Variants in ASH1L observed in about 807,000 individuals in gnomAD.
The protein encoded by ASH1L is histone-lysine N-methyltransferase ASH1L.
Under a neutral mutation model 269.0 loss-of-function variants are expected in ASH1L, and 23 were observed. The observed-to-expected ratio is 0.09, with a 90% CI of 0.06 to 0.12. The LOEUF (loss-of-function observed/expected upper bound fraction) is 0.12. ASH1L is among the 10% of genes least tolerant of loss of function. The pLI, the probability that ASH1L is intolerant of heterozygous loss-of-function variation, is 1.00. For missense variants in ASH1L, 2,912 were observed against 3,567.8 expected (o/e 0.82, Z 4.68); for synonymous variants, 1,187 against 1,253.5 (o/e 0.95, Z 1.12).
chr1:155,482,175 G>A lies in ASH1L; in HGVS notation c.695C>T (p.Ser232Phe). The stretch of plus-strand genomic sequence containing the variant: ...TAACTTCTTCGGTTTTGTCTTGGAA[G>A]ACTTGGAAGGAGGACAGGTAGCAAT... ...QLIATCPPSK[S>F]SKTKPKKLGT... is the part of the protein sequence containing the mutation. The change falls in exon 3 of 28, where the codon TCT becomes TTT. Residue 232 changes from serine (S) to phenylalanine (F), a missense_variant. Coordinates refer to ENST00000392403, the MANE Select transcript of ASH1L (RefSeq NM_018489.3). The A allele has an allele frequency of 6.2e-7, 1 of 1,614,168 alleles. No homozygotes were observed. Among genetic ancestry groups the A allele is most frequent in the Non-Finnish European group, 8.5e-7 (1 of 1,180,008 alleles).
chr1:155,347,188 C>A (rs1653423223), intron 20 of ASH1L, among the ~76,000 whole-genome samples: 1 of 152,172 alleles, frequency 6.6e-6, no homozygotes, highest in Non-Finnish European at 1.5e-5. Flanking sequence ...CACTTGAGCT[C>A]AGGAGTTCAA....
At chr1:155,413,638 AAAG>A (rs1659979791) in intron 6 of ASH1L, among the ~76,000 whole-genome samples, 2 of 152,270 alleles carry the variant, frequency 1.3e-5, no homozygotes, top group South Asian at 2.1e-4. Context: ...AACAAAAAAC[AAAG>A]AAGGAGCATG....
chr1:155,402,572 C>G (rs962351027), intron 6 of ASH1L, among the ~76,000 whole-genome samples: 1 of 152,110 alleles, frequency 6.6e-6, no homozygotes, highest in Non-Finnish European at 1.5e-5. Context: ...TTTTTAAAGA[C>G]AGGGCCTTGT....
rs765786580 is a variant in ASH1L at position 155,481,890 on chromosome 1, G to A, written c.980C>T (p.Thr327Ile). The change falls in exon 3 of 28, where the codon ACT becomes ATT. Residue 327 changes from threonine (T) to isoleucine (I), a missense_variant. Around this residue, in one of 13 missense-constraint regions of ASH1L, gnomAD observed 277 missense variants for 367.7 expected, o/e 0.75. Transcript: ENST00000392403. ...GCTTAGCAGTCCTACTGTAGTGATA[G>A]TTCCTGGCTTTTTGCCTAAGTTTTT... ...INKNLGKKPG[T>I]ITTVGLLSKD... The A allele has an allele frequency of 6.2e-7, 1 of 1,614,064 alleles. No homozygotes were observed. Among genetic ancestry groups the A allele is most frequent in the Non-Finnish European group, 8.5e-7 (1 of 1,180,028 alleles).
At chr1:155,403,975 G>C (rs1444647765) in intron 6 of ASH1L, among the ~76,000 whole-genome samples, 2 of 149,660 alleles carry the variant, frequency 1.3e-5, no homozygotes, top group African/African-American at 4.9e-5. Context: ...AGAATCGCTT[G>C]AACCTGGAAG....
intron 2 of ASH1L, among the ~76,000 whole-genome samples, chr1:155,512,573 T>C (rs1668233548): frequency 6.8e-6 from 1 of 147,058 alleles, no homozygotes; most frequent in Non-Finnish European, 1.5e-5. Context: ...TGCTTCAGCC[T>C]CCTGAGTAGC....
At chr1:155,361,162 T>C (rs1267796925) in intron 12 of ASH1L, among the ~76,000 whole-genome samples, 1 of 151,804 alleles carries the variant, frequency 6.6e-6, no homozygotes, top group Non-Finnish European at 1.5e-5. Context: ...GGAGGGCAGA[T>C]CATGAGGTCA....
intron 1 of ASH1L, among the ~76,000 whole-genome samples, chr1:155,560,489 T>C (rs1671886400): frequency 6.6e-6 from 1 of 152,194 alleles, no homozygotes; most frequent in African/African-American, 2.4e-5. Flanking sequence ...CACAGGCACA[T>C]GTATTAACAA....
intron 2 of ASH1L, among the ~76,000 whole-genome samples, chr1:155,516,039 C>T (rs574502114): frequency 2.6e-5 from 4 of 151,940 alleles, no homozygotes; most frequent in Non-Finnish European, 5.9e-5. Flanking sequence ...TGCCTTCTAT[C>T]GTTCTGTTTT....
chr1:155,524,493 G>A (rs1012702214), intron 1 of ASH1L, among the ~76,000 whole-genome samples: 13 of 145,746 alleles, frequency 8.9e-5, no homozygotes, highest in Admixed American at 2.1e-4. Flanking sequence ...CTGCACTCCA[G>A]CCTGGGCAAC....
rs1665862751 is a variant in ASH1L, at chr1:155,480,313, T to C, written c.2557A>G (p.Lys853Glu). The C allele has an allele frequency of 1.9e-6, 3 of 1,613,906 alleles. No homozygotes were observed. The highest frequency in any genetic ancestry group is 1.1e-5 in the South Asian group (1 of 91,078). ...TCCTTAGACTGTAAAGAAAACACTT[T>C]AGAAGCAGGGATTTTTAAAGTCCTT... is the stretch of plus-strand genomic sequence containing the variant. The part of the protein sequence containing the change: ...PKRTLKIPAS[K>E]VFSLQSKEEQ... The change falls in exon 3 of 28, where the codon AAA (lysine) becomes GAA (glutamate). Residue 853 changes from lysine to glutamate, a missense_variant. By Grantham distance (56) the Lys-to-Glu change is moderately conservative. This residue lies in a region of ASH1L where 715 missense variants were observed against 721.0 expected (regional missense o/e 0.99). Coordinates refer to ENST00000392403, the MANE Select transcript of ASH1L (RefSeq NM_018489.3).
chr1:155,371,548 A>AAAAT (rs774037204), intron 10 of ASH1L, among the ~76,000 whole-genome samples: 15 of 152,174 alleles, frequency 9.9e-5, no homozygotes, highest in Non-Finnish European at 1.9e-4. Flanking sequence ...ACTCCGTCTC[A>AAAAT]AAATAAATAA....
intron 1 of ASH1L, among the ~76,000 whole-genome samples, chr1:155,535,258 TTTGCTCTGTTGCCAAG>T (rs2148876996): frequency 6.6e-6 from 1 of 151,882 alleles, no homozygotes; most frequent in Non-Finnish European, 1.5e-5. Flanking sequence ...AAGACTGGGT[TTTGCTCTGTTGCCAAG>T]GCTGGAATGC....
At chr1:155,515,845 A>AG (rs898224797) in intron 2 of ASH1L, among the ~76,000 whole-genome samples, 1 of 151,676 alleles carries the variant, frequency 6.6e-6, no homozygotes, top group African/African-American at 2.4e-5. Flanking sequence ...AAAAAAAAAA[A>AG]AAAAAAAAAA....
rs61213200 is a variant in ASH1L, at chr1:155,357,078, TACACACACACAC to T, written c.7055+226_7055+237del. Among the ~76,000 whole-genome samples, 190 of 53,082 alleles carry T rather than the reference TACACACACACAC, an allele frequency of 3.6e-3. 1 individual carries two copies. The highest frequency in any genetic ancestry group is 6.5e-3 in the African/African-American group (94 of 14,512). The allele number at this position is 53,082 out of a possible 152,430, so 34.8% of individuals were successfully genotyped here. A position where few individuals can be genotyped will look rare whatever the true frequency, so the allele number is the denominator to read the frequency against. ...GGGTGACAGAGTAAGATCCCAGCTC[TACACACACACAC>T]ACACACACACACACACACACACACA... On this transcript the variant is annotated intron_variant, in intron 15 of 27. Coordinates refer to ENST00000392403, the MANE Select transcript of ASH1L (RefSeq NM_018489.3).
At chr1:155,501,229 T>C (rs1186965871) in intron 2 of ASH1L, among the ~76,000 whole-genome samples, 1 of 152,144 alleles carries the variant, frequency 6.6e-6, no homozygotes, top group Non-Finnish European at 1.5e-5. Context: ...AGAAATGGGG[T>C]CTTGTTACGT....
At position 155,434,287 on chromosome 1, in the gene ASH1L, G is replaced by C. The variant is rs531076507; in HGVS notation, c.5828+4040C>G. 1.8e-3 allele frequency: 2,843 copies of C among 1,588,142 alleles called. 7 individuals carry two copies. Among genetic ancestry groups the C allele is most frequent in the Non-Finnish European group, 2.3e-3 (2,626 of 1,166,812 alleles). The stretch of plus-strand genomic sequence containing the variant: ...AGGTGCCTGCCCTTCTAGGAATGGG[G>C]GACAGGGGGAGGGGAGGAGCTAGGG... On this transcript the variant is annotated intron_variant, in intron 5 of 27. Transcript: ENST00000392403.
At chr1:155,523,793 C>T (rs568634451) in intron 1 of ASH1L, among the ~76,000 whole-genome samples, 3 of 152,172 alleles carry the variant, frequency 2.0e-5, no homozygotes, top group Non-Finnish European at 4.4e-5. Flanking sequence ...ATCACTTGAA[C>T]CTGGCAGGCG....
chr1:155,433,967 A>G (rs1289526127), intron 5 of ASH1L: 1 of 1,581,414 alleles, frequency 6.3e-7, no homozygotes, highest in Non-Finnish European at 8.6e-7. Flanking sequence ...GATCAGCCAC[A>G]TCGCCCAGCA....
Sources: allele counts gnomAD v4.1 joint callset (sites outside exome capture counted in the v4.1 genomes callset), GRCh38; gene constraint gnomAD v4.1.1; regional missense constraint gnomAD v4.1.1; transcripts MANE v1.5; gene names NCBI Gene and HGNC (gene_info 2026-07-23, HGNC 2026-07-21).